The following SBNO2 variants were observed in gnomAD, a reference collection of about 807,000 sequenced individuals.
SBNO2 encodes protein strawberry notch homolog 2.
In SBNO2, 89 loss-of-function variants were observed where a neutral mutation model predicts 146.3. The observed-to-expected ratio is 0.61, with a 90% CI of 0.51 to 0.73. The LOEUF is 0.73. Ranked by LOEUF, SBNO2 falls within the 30% of genes least tolerant of loss-of-function variation. The probability of loss-of-function intolerance (pLI) is 0.00; values close to 1 mark genes in which losing one functional copy is unlikely to be tolerated. For missense variants in SBNO2, 2,092 were observed against 2,003.7 expected (o/e 1.04, Z -0.84); for synonymous variants, 1,147 against 892.6 (o/e 1.29, Z -5.08).
chr19:1,123,402 C>T (rs2079928128), intron 7 of SBNO2, 132 bp downstream of exon 7: 1 of 765,686 alleles, frequency 1.3e-6, no homozygotes, highest in Admixed American at 2.4e-5. Context: ...GAACCTGTCC[C>T]CGGGCTCTCC....
chr19:1,141,049 G>A (rs1461180221), intron 4 of SBNO2, among the ~76,000 whole-genome samples: 2 of 151,680 alleles, frequency 1.3e-5, no homozygotes, highest in African/African-American at 2.4e-5. Context: ...CGGAGAAGAC[G>A]CACCCCGGAG....
intron 1 of SBNO2, among the ~76,000 whole-genome samples, chr19:1,168,229 C>T (rs949696601): frequency 5.9e-5 from 9 of 152,140 alleles, no homozygotes; most frequent in Non-Finnish European, 1.3e-4. Context: ...AGGGCCACCC[C>T]GAGAGCTCCT....
In SBNO2 at chr19:1,157,973, G is replaced by A. The variant is rs1409638927; in HGVS notation, c.-126-3571C>T. On this transcript the variant is annotated intron_variant, in intron 1 of 31. Coordinates refer to ENST00000361757, the MANE Select transcript of SBNO2 (RefSeq NM_014963.3). This position sits in a 1 kb window ranked among gnomAD's most constrained non-coding sequence, Gnocchi z 6.8. ...TGTCCGCCTCCCAGCTCTCTCCTGA[G>A]TCCGGATAACTGTCCGCCTCCCAGC... 6.6e-6 allele frequency among the ~76,000 whole-genome samples: 1 copy of A among 151,222 alleles called. No individual in the cohort carries two copies. Among genetic ancestry groups the A allele is most frequent in the Non-Finnish European group, 1.5e-5 (1 of 67,812 alleles).
intron 4 of SBNO2, among the ~76,000 whole-genome samples, chr19:1,131,812 C>T (rs1204306074): frequency 1.3e-5 from 2 of 152,228 alleles, no homozygotes; most frequent in East Asian, 1.9e-4. Flanking sequence ...GGGCTGAGCC[C>T]GACCCCCCCA....
Position 1,158,515 on chromosome 19 carries a change from G to A in SBNO2, c.-126-4113C>T, listed in dbSNP as rs115066955. On this transcript the variant is annotated intron_variant, in intron 1 of 31. Transcript: ENST00000361757. This position sits in a 1 kb window ranked among gnomAD's most constrained non-coding sequence, Gnocchi z 9.9. ...GACCACGGGAGGACCCAGGGCGCAC[G>A]GCACACCCCAGAGCGCTCCGCCCAG... Among the ~76,000 whole-genome samples, 608 of 152,252 alleles carry A rather than the reference G, an allele frequency of 4.0e-3. 7 individuals are homozygous for A. Among genetic ancestry groups the A allele is most frequent in the African/African-American group, 0.014 (577 of 41,566 alleles).
chr19:1,148,416 A>AC (rs940215322), intron 3 of SBNO2, among the ~76,000 whole-genome samples: 4 of 147,198 alleles, frequency 2.7e-5, no homozygotes, highest in Admixed American at 6.8e-5. Context: ...GCCAACTCCT[A>AC]CCCCCCCTGC....
rs1270917025 is a variant in SBNO2 at position 1,173,940 on chromosome 19, T to C, written c.-127+232A>G. Among the ~76,000 whole-genome samples, 1 of 144,222 alleles carries C rather than the reference T, an allele frequency of 6.9e-6. No homozygotes were observed. The highest frequency in any genetic ancestry group is 1.5e-5 in the Non-Finnish European group (1 of 65,268). The allele number at this position is 144,222 out of a possible 152,430, so 94.6% of individuals were successfully genotyped here. ...CGGGGGGCGGGGGGGCAGGTCAAGG[T>C]TCACGGCGGTGGTCGCGGGGCAGCG... is the stretch of plus-strand genomic sequence containing the variant. On this transcript the variant is annotated intron_variant, in intron 1 of 31. Coordinates refer to ENST00000361757, the MANE Select transcript of SBNO2 (RefSeq NM_014963.3). The surrounding 1 kb of genome is among the most constrained non-coding windows in gnomAD (Gnocchi z 4.7).
intron 15 of SBNO2, 94 bp downstream of exon 15, chr19:1,117,229 G>A (rs959079413): frequency 1.1e-4 from 144 of 1,299,988 alleles, no homozygotes; most frequent in African/African-American, 9.6e-4. Context: ...CCCCGCCCAC[G>A]TCTGGGGAGG....
intron 17 of SBNO2, chr19:1,115,367 A>G (rs1360748376): frequency 6.6e-6 from 1 of 151,796 alleles, no homozygotes; most frequent in African/African-American, 2.4e-5. Flanking sequence ...CAGCCTCCCA[A>G]GTAGCTGGGA....
intron 1 of SBNO2, among the ~76,000 whole-genome samples, chr19:1,164,623 ACAG>A (rs1568644028): frequency 9.8e-5 from 6 of 61,466 alleles, no homozygotes; most frequent in Non-Finnish European, 1.6e-4. Flanking sequence ...AGGAGGAGGA[ACAG>A]GAGGAGGAGG....
chr19:1,108,988 G>A lies in SBNO2; in HGVS notation c.3426-19C>T, dbSNP rs1160004820. Reference sequence around the variant, plus strand: ...CCGGTTCCTGCGGACGAGACGGGTCGTCTCGGCTCAGGCGGGTCCCAGGGG... The same window carrying A: ...CCGGTTCCTGCGGACGAGACGGGTCATCTCGGCTCAGGCGGGTCCCAGGGG... On this transcript the variant is annotated intron_variant, in intron 30 of 31. Transcript: ENST00000361757. The A allele has an allele frequency of 5.3e-6, 8 of 1,502,184 alleles. No individual in the cohort carries two copies. Among genetic ancestry groups the A allele is most frequent in the Non-Finnish European group, 7.1e-6 (8 of 1,129,294 alleles). The allele number at this position is 1,502,184 out of a possible 1,614,324, so 93.1% of individuals were successfully genotyped here.
At chr19:1,145,304 CAAAAAA>C (rs34903065) in intron 4 of SBNO2, among the ~76,000 whole-genome samples, 3 of 102,808 alleles carry the variant, frequency 2.9e-5, no homozygotes, top group East Asian at 2.7e-4. Flanking sequence ...CTGTCTCTAC[CAAAAAA>C]AAAAAAAAAA....
intron 1 of SBNO2, among the ~76,000 whole-genome samples, 160 bp from the exon 2 acceptor site, chr19:1,154,562 C>T (rs2145316324): frequency 6.6e-6 from 1 of 152,292 alleles, no homozygotes; most frequent in East Asian, 1.9e-4. Context: ...CCCCACTCAC[C>T]CCCACCCGCC....
Position 1,140,260 on chromosome 19 carries a change from A to G in SBNO2, c.279+7049T>C, listed in dbSNP as rs149445950. Among the ~76,000 whole-genome samples, 4,566 of 151,746 alleles carry G rather than the reference A, an allele frequency of 0.03. 92 individuals carry two copies. The highest frequency in any genetic ancestry group is 0.047 in the Non-Finnish European group (3,199 of 67,884). ...GGTTGCAGTGAGCCGAGGTCACGCC[A>G]CTGCACTCCAGCCTGGGCGACAGAG... On this transcript the variant is annotated intron_variant, in intron 4 of 31. Coordinates refer to ENST00000361757, the MANE Select transcript of SBNO2 (RefSeq NM_014963.3). The surrounding 1 kb of genome is among the most constrained non-coding windows in gnomAD (Gnocchi z 4.4).
chr19:1,168,040 T>C (rs1599888837), intron 1 of SBNO2, among the ~76,000 whole-genome samples: 1 of 148,014 alleles, frequency 6.8e-6, no homozygotes, highest in Admixed American at 7.8e-5. Flanking sequence ...GGTGCACCCC[T>C]GGGGAGGGGC....
At position 1,174,253 on chromosome 19, in the gene SBNO2, T is replaced by C. The variant is rs1419384790; in HGVS notation, c.-208A>G. Reference sequence around the variant, plus strand: ...GCAGCTGCCGCCGCTCACTTCCGGGTTTCGGGCGCCATCTTGGGGGCCCCG... The same window carrying C: ...GCAGCTGCCGCCGCTCACTTCCGGGCTTCGGGCGCCATCTTGGGGGCCCCG... On this transcript the variant is annotated 5_prime_UTR_variant, in exon 1 of 32. Transcript: ENST00000361757. 2 of 151,248 alleles carry C rather than the reference T, an allele frequency of 1.3e-5. No homozygotes were observed. Among genetic ancestry groups the C allele is most frequent in the South Asian group, 2.1e-4 (1 of 4,784 alleles). The allele number at this position is 151,248 out of a possible 1,614,324, so 9.4% of individuals were successfully genotyped here.
At chr19:1,167,944 CCT>C (rs2080441776) in intron 1 of SBNO2, among the ~76,000 whole-genome samples, 1 of 152,164 alleles carries the variant, frequency 6.6e-6, no homozygotes, top group Non-Finnish European at 1.5e-5. Context: ...CGAGTATCCC[CCT>C]CTCAGTGTAA....
At chr19:1,141,218 T>A (rs1354908107) in intron 4 of SBNO2, among the ~76,000 whole-genome samples, 3 of 151,772 alleles carry the variant, frequency 2.0e-5, no homozygotes, top group African/African-American at 7.3e-5. Flanking sequence ...AATTTTTTTG[T>A]AATTTTTTTT....
chr19:1,172,775 A>AC (rs200691444), intron 1 of SBNO2, among the ~76,000 whole-genome samples: 801 of 39,162 alleles, frequency 0.02, 68 homozygotes, highest in African/African-American at 0.078. Flanking sequence ...ACTCACTGCA[A>AC]CCGCCCCCCC....
Sources: allele counts gnomAD v4.1 joint callset (sites outside exome capture counted in the v4.1 genomes callset), GRCh38; gene constraint gnomAD v4.1.1; non-coding constraint Gnocchi (gnomAD v3.1); transcripts MANE v1.5; gene names NCBI Gene and HGNC (gene_info 2026-07-23, HGNC 2026-07-21).